Variants in PLPPR4 observed in about 807,000 individuals in gnomAD.
The protein encoded by PLPPR4 is phospholipid phosphatase related 4, also known as phospholipid phosphatase-related protein type 4.
Under a neutral mutation model 56.6 loss-of-function variants are expected in PLPPR4, and 24 were observed. The observed-to-expected ratio is 0.42, with a 90% confidence interval of 0.31 to 0.60. The LOEUF (loss-of-function observed/expected upper bound fraction) is 0.60, where lower values mean the gene tolerates loss of function less well. PLPPR4 is among the 20% of genes least tolerant of loss of function. PLPPR4 has a pLI of 0.13. For synonymous variants in PLPPR4, 326 were observed against 328.1 expected, an observed-to-expected ratio of 0.99 and a Z score of 0.07; for missense variants, 654 against 885.8, an observed-to-expected ratio of 0.74 and a Z score of 3.32.
In PLPPR4 at chr1:99,306,248, C is replaced by T. The variant is rs1304319625; in HGVS notation, c.1386C>T (p.Pro462=). 3.1e-6 allele frequency: 5 copies of T among 1,614,016 alleles called. No homozygotes were observed. Among genetic ancestry groups the T allele is most frequent in the African/African-American group, 2.7e-5 (2 of 74,920 alleles). ...TCAAAATCCAGCCTGGCGCTGTCCC[C>T]GGATGTAACAACAGCATGCCTGGAG... ...QYLKIQPGAV[P]GCNNSMPGGP... Residue 462 remains proline (P), a synonymous_variant, in exon 7 of 7, where the codon CCC becomes CCT. Transcript: ENST00000370185. This position sits in a 1 kb window ranked among gnomAD's most constrained non-coding sequence, Gnocchi z 4.0.
rs756222997 is a variant in PLPPR4 at position 99,288,146 on chromosome 1, T to G, written c.260T>G (p.Ile87Ser). ...LLSLAFAGPA[I>S]TIMVGEGILY... ...AGCTTGGCTTTTGCTGGACCTGCAA[T>G]TACGGTAAGAATTACCCCCAAAATT... The change falls in exon 2 of 7, where the codon ATT (isoleucine) becomes AGT (serine). Residue 87 changes from isoleucine to serine, a missense_variant. By Grantham distance (142) the Ile-to-Ser change is moderately radical (BLOSUM62 -2). Coordinates refer to ENST00000370185, the MANE Select transcript of PLPPR4 (RefSeq NM_014839.5). The G allele has an allele frequency of 6.2e-7, 1 of 1,613,204 alleles. No homozygotes were observed. Among genetic ancestry groups the G allele is most frequent in the South Asian group, 1.1e-5 (1 of 90,918 alleles).
At chr1:99,286,454 G>A (rs970582086) in intron 1 of PLPPR4, among the ~76,000 whole-genome samples, 5 of 152,078 alleles carry the variant, frequency 3.3e-5, no homozygotes, top group African/African-American at 1.2e-4. Flanking sequence ...TTCAGTGGGA[G>A]ACTGGGAGAG....
chr1:99,266,906 A>G (rs1287081342), intron 1 of PLPPR4, among the ~76,000 whole-genome samples: 1 of 152,254 alleles, frequency 6.6e-6, no homozygotes, highest in Non-Finnish European at 1.5e-5. Context: ...CACTAAATTT[A>G]CATCTCCTTC....
At chr1:99,275,038 C>T (rs1659150165) in intron 1 of PLPPR4, among the ~76,000 whole-genome samples, 1 of 151,990 alleles carries the variant, frequency 6.6e-6, no homozygotes, top group Non-Finnish European at 1.5e-5. Flanking sequence ...CAGTTGGATA[C>T]ACCCTGAAGA....
intron 1 of PLPPR4, among the ~76,000 whole-genome samples, chr1:99,284,875 G>T (rs1478292920): frequency 1.3e-5 from 2 of 152,062 alleles, no homozygotes; most frequent in East Asian, 1.9e-4. Flanking sequence ...GTACGATTAG[G>T]CCCCTGCCTT....
Position 99,269,678 on chromosome 1 carries a change from A to G in PLPPR4, c.78+5007A>G, listed in dbSNP as rs997081793. ...ATTCTTTTTACTTAAACATTCTGCT[A>G]TATGATATAACATTTTTATGACAAA... On this transcript the variant is annotated intron_variant, in intron 1 of 6. Transcript: ENST00000370185. 3.3e-5 allele frequency among the ~76,000 whole-genome samples: 5 copies of G among 152,398 alleles called. No individual in the cohort carries two copies. The East Asian group carries it at 5.8e-4, about 18-fold the overall frequency.
chr1:99,295,956 T>C (rs1659729263), intron 2 of PLPPR4, among the ~76,000 whole-genome samples: 1 of 152,146 alleles, frequency 6.6e-6, no homozygotes, highest in Non-Finnish European at 1.5e-5. Context: ...TAGGGTACAG[T>C]AAGAGGTTTC....
At chr1:99,304,962 A>G (rs987082559) in intron 6 of PLPPR4, among the ~76,000 whole-genome samples, 3 of 152,216 alleles carry the variant, frequency 2.0e-5, no homozygotes, top group Non-Finnish European at 4.4e-5. Context: ...ACAAACAAAA[A>G]AAGATACACT....
At chr1:99,270,291 G>T (rs751468112) in intron 1 of PLPPR4, among the ~76,000 whole-genome samples, 1 of 152,132 alleles carries the variant, frequency 6.6e-6, no homozygotes, top group Admixed American at 6.6e-5. Flanking sequence ...CTCCCAAAGT[G>T]CTGGGATCAC....
chr1:99,275,536 G>A (rs1570908399), intron 1 of PLPPR4, among the ~76,000 whole-genome samples: 1 of 152,258 alleles, frequency 6.6e-6, no homozygotes, highest in East Asian at 1.9e-4. Context: ...TCGTTGCGTA[G>A]GTCAATAAAT....
chr1:99,295,167 T>C (rs976609213), intron 2 of PLPPR4, among the ~76,000 whole-genome samples: 1 of 152,210 alleles, frequency 6.6e-6, no homozygotes, highest in South Asian at 2.1e-4. Context: ...TCTATAATGA[T>C]TGATCTTAAA....
At chr1:99,298,389 G>A (rs1433690782) in intron 3 of PLPPR4, among the ~76,000 whole-genome samples, 1 of 152,088 alleles carries the variant, frequency 6.6e-6, no homozygotes, top group African/African-American at 2.4e-5. Context: ...TTATTTCATG[G>A]TTTAAAATTG....
At chr1:99,298,137 C>G (rs1168696842) in intron 3 of PLPPR4, among the ~76,000 whole-genome samples, 2 of 152,152 alleles carry the variant, frequency 1.3e-5, no homozygotes, top group Non-Finnish European at 2.9e-5. Flanking sequence ...CAAGCCAGCA[C>G]TCTTGGTCTG....
At chr1:99,265,175 A>G (rs1479015528) in intron 1 of PLPPR4, among the ~76,000 whole-genome samples, 1 of 127,530 alleles carries the variant, frequency 7.8e-6, no homozygotes, top group Non-Finnish European at 1.6e-5. Context: ...CTCCTATTAT[A>G]TTATTTTGGT....
chr1:99,301,793 AT>A lies in PLPPR4; in HGVS notation c.719del (p.Ile240ThrfsTer4). ...ACCTCTCTTGGTCTTCACATTTATC[AT>A]CTGTGGAATAATCTGCGGGCTAACA... ...LKPLLVFTFI[I>X]CGIICGLTRI... is the part of the protein sequence containing the mutation. On this transcript the variant is annotated frameshift_variant, in exon 6 of 7. Transcript: ENST00000370185. LOFTEE classifies it high-confidence loss of function. 1 of 1,612,554 alleles carries A rather than the reference AT, an allele frequency of 6.2e-7. No individual in the cohort carries two copies. The highest frequency in any genetic ancestry group is 8.5e-7 in the Non-Finnish European group (1 of 1,178,894).
intron 2 of PLPPR4, among the ~76,000 whole-genome samples, chr1:99,293,934 A>G (rs1659681408): frequency 6.6e-6 from 1 of 152,166 alleles, no homozygotes; most frequent in African/African-American, 2.4e-5. Context: ...GTCCACAACA[A>G]CAACAAATTG....
At chr1:99,269,387 T>C (rs1280070822) in intron 1 of PLPPR4, among the ~76,000 whole-genome samples, 2 of 152,234 alleles carry the variant, frequency 1.3e-5, no homozygotes, top group African/African-American at 4.8e-5. Flanking sequence ...AATAAACATA[T>C]GTGTATATGT....
chr1:99,268,895 G>C (rs571803196), intron 1 of PLPPR4, among the ~76,000 whole-genome samples: 1 of 152,282 alleles, frequency 6.6e-6, no homozygotes, highest in Admixed American at 6.5e-5. Flanking sequence ...GCAGCCAGCA[G>C]TATACCTAGA....
chr1:99,296,952 A>G, intron 3 of PLPPR4, 85 bp downstream of exon 3: 1 of 1,247,010 alleles, frequency 8.0e-7, no homozygotes, highest in Non-Finnish European at 1.1e-6. Context: ...TAAGTCTCGT[A>G]CGCTATAATT....
Sources: gnomAD v4.1 joint callset for allele counts (sites outside exome capture counted in the v4.1 genomes callset) on GRCh38, gnomAD v4.1.1 for gene constraint, Gnocchi (gnomAD v3.1) non-coding constraint, MANE v1.5 for transcripts, NCBI Gene and HGNC (gene_info 2026-07-23, HGNC 2026-07-21) for gene names.